Variants in CENPF observed in about 807,000 individuals in gnomAD.
CENPF encodes centromere protein F, also known as AH antigen.
CENPF carries 214 observed loss-of-function variants against 307.3 expected under a neutral mutation model. The ratio of observed to expected loss-of-function variants is 0.70; its 90% CI spans 0.62 to 0.78. The LOEUF is 0.78. Ranked by LOEUF, CENPF falls within the 30% of genes least tolerant of loss-of-function variation. The pLI, the probability that CENPF is intolerant of heterozygous loss-of-function variation, is 0.00. For synonymous variants in CENPF, 1,259 were observed against 1,270.6 expected, an observed-to-expected ratio of 0.99 and a Z score of 0.19; for missense variants, 3,401 against 3,483.9, an observed-to-expected ratio of 0.98 and a Z score of 0.60.
rs762600083 is a variant in CENPF, at chr1:214,641,827, A to G, written c.3489A>G (p.Lys1163=). ...AGCTGATGAAGGTAATGAAGACTAA[A>G]CATGAATGTCAAAATCTAGAATCAG... ...NEQLMKVMKT[K]HECQNLESEP... The change falls in exon 12 of 20, where the codon AAA becomes AAG. Residue 1163 remains lysine (K), a synonymous_variant. Coordinates refer to ENST00000366955, the MANE Select transcript of CENPF (RefSeq NM_016343.4). 6.2e-7 allele frequency: 1 copy of G among 1,609,150 alleles called. No homozygotes were observed.
Position 214,643,247 on chromosome 1 carries a change from G to A in CENPF, c.4909G>A (p.Glu1637Lys). 1.9e-6 allele frequency: 3 copies of A among 1,587,832 alleles called. No individual in the cohort carries two copies. Among genetic ancestry groups the A allele is most frequent in the South Asian group, 1.2e-5 (1 of 86,148 alleles). Residue 1637 changes from glutamate (E) to lysine (K), a missense_variant, in exon 12 of 20, where the codon GAG becomes AAG. Glu to Lys is a moderately conservative substitution (Grantham distance 56). Coordinates refer to ENST00000366955, the MANE Select transcript of CENPF (RefSeq NM_016343.4). ...EKKQTEQLSL[E>K]LEVARLQLQG... The stretch of plus-strand genomic sequence containing the variant: ...GAAACAGACGGAACAACTGTCACTT[G>A]AGCTGGAAGTAGCACGACTCCAGCT...
Position 214,632,915 on chromosome 1 carries a change from C to T in CENPF, c.1446+313C>T, listed in dbSNP as rs187607380. Among the ~76,000 whole-genome samples, 152 of 152,082 alleles carry T rather than the reference C, an allele frequency of 1.0e-3. 1 individual carries two copies. The highest frequency in any genetic ancestry group is 1.8e-3 in the Non-Finnish European group (119 of 67,972). On this transcript the variant is annotated intron_variant, in intron 10 of 19. Transcript: ENST00000366955. ...CCTTCCTTAAAGATTGTTTTAGACC[C>T]CCAGGGAGGTGGAAAGATGGGAAAG...
rs200126499 is a variant in CENPF at position 214,645,960 on chromosome 1, C to G, written c.6390C>G (p.Ala2130=). Residue 2130 remains alanine, a synonymous_variant, in exon 13 of 20, where the codon GCC becomes GCG. Transcript: ENST00000366955. ...AGAAACTGAGAGTTCGCATTGAGGC[C>G]GATGAAAAGAAGCAGCTGCACATCG... ...GIEKLRVRIE[A]DEKKQLHIAE... 1 of 1,613,844 alleles carries G rather than the reference C, an allele frequency of 6.2e-7. No individual in the cohort carries two copies. The highest frequency in any genetic ancestry group is 8.5e-7 in the Non-Finnish European group (1 of 1,179,982).
chr1:214,663,541 G>A, intron 19 of CENPF, 50 bp from the exon 20 acceptor site: 1 of 1,560,066 alleles, frequency 6.4e-7, no homozygotes, highest in Non-Finnish European at 8.8e-7. Flanking sequence ...TTTTCATGTT[G>A]TGGAAATGTG....
rs956092032 is a variant in CENPF at position 214,603,276 on chromosome 1, A to G, written c.-87A>G. On this transcript the variant is annotated 5_prime_UTR_variant, in exon 1 of 20. Coordinates refer to ENST00000366955, the MANE Select transcript of CENPF (RefSeq NM_016343.4). Reference sequence around the variant, plus strand: ...GGCTCCAGCCCGCCGAAGCCGCGCCAGAACTGTACTCTCCGAGAGGTCGTT... The same window carrying G: ...GGCTCCAGCCCGCCGAAGCCGCGCCGGAACTGTACTCTCCGAGAGGTCGTT... 2.0e-5 allele frequency: 3 copies of G among 152,324 alleles called. No homozygotes were observed. Among genetic ancestry groups the G allele is most frequent in the Admixed American group, 6.5e-5 (1 of 15,288 alleles). 9.4% of individuals were successfully genotyped at this position (152,324 alleles called of 1,614,324 possible).
At chr1:214,638,644 T>C (rs529065936) in intron 11 of CENPF, among the ~76,000 whole-genome samples, 1 of 152,206 alleles carries the variant, frequency 6.6e-6, no homozygotes, top group Non-Finnish European at 1.5e-5. Flanking sequence ...TGTGTCACAC[T>C]TCTCTGTGAC....
intron 8 of CENPF, 63 bp from the exon 9 acceptor site, chr1:214,630,471 C>T: frequency 6.3e-7 from 1 of 1,596,814 alleles, no homozygotes; most frequent in Non-Finnish European, 8.5e-7. Flanking sequence ...ATGCTCATGC[C>T]TCACCCTGGA....
At chr1:214,625,418 A>G (rs552151837) in intron 7 of CENPF, among the ~76,000 whole-genome samples, 1 of 152,120 alleles carries the variant, frequency 6.6e-6, no homozygotes, top group East Asian at 1.9e-4. Flanking sequence ...ACGGGGTTTC[A>G]CCATGTTGGC....
In CENPF at chr1:214,630,609, G is replaced by A; in HGVS notation, c.1270G>A (p.Glu424Lys). ...CCAGATGAAGGCCAGACTCACCCAGGAGTTACAGCAAGCCAAGAATATGCA... is the reference window on the plus strand; with the variant it reads ...CCAGATGAAGGCCAGACTCACCCAGAAGTTACAGCAAGCCAAGAATATGCA... Reference protein sequence around the residue: ...CIQMKARLTQELQQAKNMHNV... With the variant: ...CIQMKARLTQKLQQAKNMHNV... Residue 424 changes from glutamate to lysine, a missense_variant, in exon 9 of 20, where the codon GAG becomes AAG. Coordinates refer to ENST00000366955, the MANE Select transcript of CENPF (RefSeq NM_016343.4). 1 of 1,614,114 alleles carries A rather than the reference G, an allele frequency of 6.2e-7. No homozygotes were observed. The highest frequency in any genetic ancestry group is 1.1e-5 in the South Asian group (1 of 91,078).
intron 14 of CENPF, 96 bp from the exon 15 acceptor site, chr1:214,651,613 AT>A (rs951626074): frequency 3.8e-5 from 32 of 843,284 alleles, no homozygotes; most frequent in Non-Finnish European, 4.5e-5. Flanking sequence ...GCCCATAAAT[AT>A]TTTTTTTCTA....
rs1317315139 is a variant in CENPF, at chr1:214,643,335, G to A, written c.4986+11G>A. ...ATCGACACAGAAGATGTAAGTACCT[G>A]GGATTTAAATGCCATTTCTCGGTTT... On this transcript the variant is annotated intron_variant, in intron 12 of 19. Transcript: ENST00000366955. The A allele has an allele frequency of 3.4e-6, 5 of 1,456,622 alleles. No homozygotes were observed. Among genetic ancestry groups the A allele is most frequent in the Non-Finnish European group, 4.5e-6 (5 of 1,104,642 alleles). The allele number at this position is 1,456,622 out of a possible 1,614,324, so 90.2% of individuals were successfully genotyped here.
chr1:214,609,341 C>T (rs1367316748), intron 1 of CENPF, among the ~76,000 whole-genome samples: 2 of 152,150 alleles, frequency 1.3e-5, no homozygotes, highest in East Asian at 1.9e-4. Context: ...TGCATGCATT[C>T]ATTATTAAAA....
In CENPF at chr1:214,615,696, T is replaced by C. The variant is rs150487300; in HGVS notation, c.359+668T>C. On this transcript the variant is annotated intron_variant, in intron 3 of 19. Transcript: ENST00000366955. The stretch of plus-strand genomic sequence containing the variant: ...GCTCATGCCTGTAATCCCAGCACTT[T>C]AGGAGGCCGAGGCAAGTGGATTACC... 4.7e-3 allele frequency among the ~76,000 whole-genome samples: 718 copies of C among 152,246 alleles called. 8 individuals are homozygous for C. The highest frequency in any genetic ancestry group is 0.016 in the African/African-American group (674 of 41,554).
At chr1:214,658,602 G>A (rs1043576576) in intron 18 of CENPF, among the ~76,000 whole-genome samples, 2 of 151,996 alleles carry the variant, frequency 1.3e-5, no homozygotes, top group Admixed American at 6.6e-5. Flanking sequence ...TCTGTGTAGT[G>A]TTATTTTCCC....
chr1:214,610,443 A>G (rs753365783), intron 1 of CENPF, among the ~76,000 whole-genome samples: 8 of 147,376 alleles, frequency 5.4e-5, no homozygotes, highest in Non-Finnish European at 7.5e-5. Flanking sequence ...TGATAGTGAT[A>G]TTGAGCTTTT....
At chr1:214,613,464 A>G (rs1411144824) in intron 1 of CENPF, 1 of 235,512 alleles carries the variant, frequency 4.2e-6, no homozygotes, top group African/African-American at 2.3e-5. Context: ...AGGTAGTGAT[A>G]TAAGAAGTCA....
chr1:214,640,579 G>A lies in CENPF; in HGVS notation c.2241G>A (p.Met747Ile). Residue 747 changes from methionine to isoleucine, a missense_variant, in exon 12 of 20, where the codon ATG becomes ATA. Transcript: ENST00000366955. ...HKLQLLSNEI[M>I]DKDRCYQDLH... The stretch of plus-strand genomic sequence containing the variant: ...TTCAGTTACTGTCAAATGAAATAAT[G>A]GACAAAGACCGGTGTTACCAAGACT... 6.2e-7 allele frequency: 1 copy of A among 1,614,052 alleles called. No homozygotes were observed. The highest frequency in any genetic ancestry group is 8.5e-7 in the Non-Finnish European group (1 of 1,179,946).
chr1:214,651,214 G>A (rs1413633442), intron 14 of CENPF, among the ~76,000 whole-genome samples: 3 of 152,136 alleles, frequency 2.0e-5, no homozygotes, highest in Non-Finnish European at 4.4e-5. Context: ...GTTGGAGTTT[G>A]GCCAGTTCTT....
At chr1:214,624,271 G>C (rs896140396) in intron 7 of CENPF, among the ~76,000 whole-genome samples, 1 of 151,620 alleles carries the variant, frequency 6.6e-6, no homozygotes, top group Non-Finnish European at 1.5e-5. Context: ...TTTGATATTT[G>C]TATCAGGGTA....
Sources: allele counts gnomAD v4.1 joint callset (sites outside exome capture counted in the v4.1 genomes callset), GRCh38; gene constraint gnomAD v4.1.1; transcripts MANE v1.5; gene names NCBI Gene and HGNC (gene_info 2026-07-23, HGNC 2026-07-21).